CTNNA2: variants seen among roughly 807,000 people sequenced by gnomAD.
The protein encoded by CTNNA2 is catenin alpha 2.
CTNNA2 carries 42 observed loss-of-function variants against 101.0 expected under a neutral mutation model. The observed-to-expected ratio is 0.42, with a 90% CI of 0.32 to 0.54. The LOEUF (loss-of-function observed/expected upper bound fraction) is 0.54. Among genes scored for constraint, CTNNA2 ranks in the 20% least tolerant of loss-of-function variants. The pLI, the probability that CTNNA2 is intolerant of heterozygous loss-of-function variation, is 0.14. For synonymous variants in CTNNA2, 450 were observed against 456.4 expected (o/e 0.99, Z 0.18); for missense variants, 871 against 1,223.1 (o/e 0.71, Z 4.29).
intron 2 of CTNNA2, among the ~76,000 whole-genome samples, chr2:79,244,955 C>T (rs1032375550): frequency 4.0e-5 from 6 of 151,824 alleles, no homozygotes; most frequent in Non-Finnish European, 7.4e-5. Flanking sequence ...ATTAGTTGGG[C>T]TTGGTGGCAT....
intron 9 of CTNNA2, among the ~76,000 whole-genome samples, chr2:80,514,942 T>G (rs537641456): frequency 6.6e-6 from 1 of 152,278 alleles, no homozygotes; most frequent in South Asian, 2.1e-4. Context: ...TTTTAGGCTT[T>G]TTGGCTTGAA....
chr2:80,006,359 T>TTAA (rs1553427809), intron 7 of CTNNA2, among the ~76,000 whole-genome samples: 12 of 139,054 alleles, frequency 8.6e-5, no homozygotes, highest in African/African-American at 2.9e-4. Context: ...AGAAGTGCAG[T>TTAA]AAAAAAAAAA....
intron 7 of CTNNA2, among the ~76,000 whole-genome samples, chr2:80,031,953 G>C (rs1189149309): frequency 6.6e-6 from 1 of 152,196 alleles, no homozygotes. Flanking sequence ...TGTTTTAAAT[G>C]TCGAAAATAA....
rs964916583 is a variant in CTNNA2, at chr2:79,837,174, C to A, written c.299-20839C>A. Among the ~76,000 whole-genome samples, 20 of 152,164 alleles carry A rather than the reference C, an allele frequency of 1.3e-4. 1 individual carries two copies. Among genetic ancestry groups the A allele is most frequent in the Admixed American group, 1.2e-3 (18 of 15,286 alleles). On this transcript the variant is annotated intron_variant, in intron 3 of 18. Coordinates refer to ENST00000402739, the MANE Select transcript of CTNNA2 (RefSeq NM_001282597.3). ...TATTAACTCATGTGATCACAAGGTCCCACAATAGGCCATCTGCAGGCAGAG... is the reference window on the plus strand; with the variant it reads ...TATTAACTCATGTGATCACAAGGTCACACAATAGGCCATCTGCAGGCAGAG...
chr2:79,642,028 C>A (rs1680482326), intron 1 of CTNNA2, among the ~76,000 whole-genome samples: 1 of 151,970 alleles, frequency 6.6e-6, no homozygotes. Flanking sequence ...TTGGAGCTTT[C>A]TTTGTATATA....
At chr2:79,830,564 C>T (rs774496375) in intron 3 of CTNNA2, among the ~76,000 whole-genome samples, 8 of 152,208 alleles carry the variant, frequency 5.3e-5, no homozygotes, top group Non-Finnish European at 8.8e-5. Context: ...TGGCACTCGT[C>T]ATCCACGAGC....
chr2:80,363,272 G>T (rs1674598284), intron 7 of CTNNA2, among the ~76,000 whole-genome samples: 1 of 151,960 alleles, frequency 6.6e-6, no homozygotes, highest in African/African-American at 2.4e-5. Flanking sequence ...TGATGCCATT[G>T]CTTGAATTCA....
At chr2:79,359,368 C>A (rs1225614480) in intron 3 of CTNNA2, among the ~76,000 whole-genome samples, 2 of 152,172 alleles carry the variant, frequency 1.3e-5, no homozygotes, top group Non-Finnish European at 2.9e-5. Flanking sequence ...ATGAACCAAT[C>A]CTGTTAGAAC....
At chr2:80,104,157 A>G (rs1700728019) in intron 7 of CTNNA2, among the ~76,000 whole-genome samples, 1 of 152,240 alleles carries the variant, frequency 6.6e-6, no homozygotes, top group Non-Finnish European at 1.5e-5. Flanking sequence ...TCAATAACAT[A>G]TGCAAAGCGC....
At chr2:80,225,139 T>C (rs962398705) in intron 7 of CTNNA2, among the ~76,000 whole-genome samples, 10 of 152,142 alleles carry the variant, frequency 6.6e-5, no homozygotes, top group Non-Finnish European at 1.5e-5. Flanking sequence ...TGCTGTCTCC[T>C]CCTTGGGAAT....
chr2:79,602,540 T>C (rs1001677101), intron 1 of CTNNA2, among the ~76,000 whole-genome samples: 9 of 152,096 alleles, frequency 5.9e-5, no homozygotes, highest in African/African-American at 1.7e-4. Flanking sequence ...AAAAGAAAAT[T>C]ATAAGAATTA....
intron 9 of CTNNA2, among the ~76,000 whole-genome samples, chr2:80,525,745 CTG>C (rs1210638482): frequency 2.0e-5 from 3 of 152,122 alleles, no homozygotes; most frequent in African/African-American, 7.2e-5. Flanking sequence ...AAGAGAGTGA[CTG>C]TAACTTGAAG....
chr2:80,037,460 C>A (rs1242554077), intron 7 of CTNNA2, among the ~76,000 whole-genome samples: 4 of 152,176 alleles, frequency 2.6e-5, no homozygotes, highest in Non-Finnish European at 4.4e-5. Flanking sequence ...TACTCGAAGG[C>A]AAGTGATCCT....
intron 7 of CTNNA2, among the ~76,000 whole-genome samples, chr2:80,360,243 T>C (rs940220268): frequency 1.3e-5 from 2 of 152,158 alleles, no homozygotes; most frequent in Non-Finnish European, 2.9e-5. Context: ...TGCATTGAGC[T>C]ATTTCTATGA....
At chr2:79,863,613 TAGC>T (rs1455608105) in intron 4 of CTNNA2, among the ~76,000 whole-genome samples, 1 of 152,166 alleles carries the variant, frequency 6.6e-6, no homozygotes, top group Admixed American at 6.5e-5. Flanking sequence ...TTAACACTAA[TAGC>T]AGTTTGGAAT....
chr2:79,687,747 C>T, intron 2 of CTNNA2: 1 of 484,988 alleles, frequency 2.1e-6, no homozygotes, highest in East Asian at 3.4e-5. Context: ...AATAAGATAT[C>T]CCAAAATGCT....
chr2:80,508,849 C>T (rs1004139255), intron 9 of CTNNA2, among the ~76,000 whole-genome samples: 1 of 152,136 alleles, frequency 6.6e-6, no homozygotes, highest in African/African-American at 2.4e-5. Flanking sequence ...ATGGTCTCCC[C>T]TCGACTTTGC....
At chr2:79,953,095 G>A (rs144139897) in intron 7 of CTNNA2, among the ~76,000 whole-genome samples, 2 of 152,072 alleles carry the variant, frequency 1.3e-5, no homozygotes, top group African/African-American at 2.4e-5. Flanking sequence ...GATTGACATC[G>A]AGGCATGTGG....
chr2:80,141,907 A>G (rs1703036695), intron 7 of CTNNA2, among the ~76,000 whole-genome samples: 1 of 150,358 alleles, frequency 6.7e-6, no homozygotes, highest in Non-Finnish European at 1.5e-5. Context: ...ACGTCTTAAC[A>G]TATGTCCCTG....
Sources: allele counts gnomAD v4.1 joint callset (sites outside exome capture counted in the v4.1 genomes callset), GRCh38; gene constraint gnomAD v4.1.1; transcripts MANE v1.5; gene names NCBI Gene and HGNC (gene_info 2026-07-23, HGNC 2026-07-21).